Variants in ABI1 observed in about 807,000 individuals in gnomAD.
ABI1 encodes the protein abl interactor 1, also known as Abelson interactor 1.
In ABI1, 14 loss-of-function variants were observed where a neutral mutation model predicts 54.6. The observed-to-expected ratio is 0.26, with a 90% CI of 0.17 to 0.40. ABI1 has a LOEUF of 0.40. Ranked by LOEUF, ABI1 falls within the 10% of genes least tolerant of loss-of-function variation. The pLI, the probability that ABI1 is intolerant of heterozygous loss-of-function variation, is 1.00. For synonymous variants in ABI1, 194 were observed against 209.3 expected (o/e 0.93, Z 0.63); for missense variants, 443 against 598.3 (o/e 0.74, Z 2.71).
intron 7 of ABI1, chr10:26,764,047 A>G: frequency 1.0e-6 from 1 of 987,872 alleles, no homozygotes. Flanking sequence ...ATGTATCGGG[A>G]AGAAAAAGAA....
intron 2 of ABI1, among the ~76,000 whole-genome samples, chr10:26,792,019 G>C (rs1367936612): frequency 6.6e-6 from 1 of 152,080 alleles, no homozygotes; most frequent in Non-Finnish European, 1.5e-5. Context: ...ACTACATACA[G>C]GATGAATCCA....
rs185243851 is a variant in ABI1 at position 26,787,456 on chromosome 10, C to T, written c.286-10215G>A. 5.3e-5 allele frequency among the ~76,000 whole-genome samples: 8 copies of T among 152,216 alleles called. No homozygotes were observed. The East Asian group carries it at 1.2e-3, about 22-fold the overall frequency. On this transcript the variant is annotated intron_variant, in intron 2 of 10. Transcript: ENST00000376140. ...ACACACTGCAGAATTATTCAGGACA[C>T]GATTTCAAATTACTTGAAAAATTCT...
intron 2 of ABI1, among the ~76,000 whole-genome samples, chr10:26,800,222 A>G (rs1340217670): frequency 6.6e-6 from 1 of 152,012 alleles, no homozygotes; most frequent in African/African-American, 2.4e-5. Context: ...CGTCTCTACT[A>G]AAAATACAAA....
intron 1 of ABI1, among the ~76,000 whole-genome samples, chr10:26,825,180 T>C (rs903731061): frequency 3.9e-5 from 6 of 152,194 alleles, no homozygotes; most frequent in African/African-American, 4.8e-5. Flanking sequence ...GATTTCTCTA[T>C]GGCATGCGAT....
intron 3 of ABI1, among the ~76,000 whole-genome samples, chr10:26,774,273 T>C (rs1361107641): frequency 6.6e-6 from 1 of 152,248 alleles, no homozygotes; most frequent in African/African-American, 2.4e-5. Context: ...TTCTGGAATT[T>C]TTTTATCCAA....
intron 1 of ABI1, among the ~76,000 whole-genome samples, chr10:26,840,036 G>T (rs1044812740): frequency 3.3e-5 from 5 of 151,982 alleles, no homozygotes; most frequent in African/African-American, 1.2e-4. Context: ...AAGATTCTAT[G>T]AATACTAGCA....
intron 7 of ABI1, among the ~76,000 whole-genome samples, chr10:26,764,659 G>A (rs925678998): frequency 6.6e-6 from 1 of 152,054 alleles, no homozygotes; most frequent in Admixed American, 6.6e-5. Flanking sequence ...ATCAACCATA[G>A]ATCAAAAATA....
Position 26,778,460 on chromosome 10 carries a change from G to T in ABI1, c.286-1219C>A, listed in dbSNP as rs529269823. 1.2e-3 allele frequency among the ~76,000 whole-genome samples: 174 copies of T among 150,654 alleles called. 1 individual carries two copies. Among genetic ancestry groups the T allele is most frequent in the Non-Finnish European group, 2.0e-3 (136 of 67,762 alleles). ...TTAAGGGGCAATTGTGGCAGTCTAG[G>T]TGAGACGAGGCCAGGATATGAACTG... On this transcript the variant is annotated intron_variant, in intron 2 of 10. Transcript: ENST00000376140.
intron 1 of ABI1, among the ~76,000 whole-genome samples, chr10:26,837,402 T>C (rs2049156764): frequency 6.6e-6 from 1 of 151,160 alleles, no homozygotes; most frequent in Non-Finnish European, 1.5e-5. Context: ...CATTTAACCA[T>C]ATTCACCTCC....
At chr10:26,785,116 C>A (rs1038913256) in intron 2 of ABI1, among the ~76,000 whole-genome samples, 58 of 152,178 alleles carry the variant, frequency 3.8e-4, no homozygotes, top group Non-Finnish European at 4.4e-5. Context: ...ATAAGAAAAA[C>A]TGAATGGATC....
chr10:26,782,906 C>G (rs952004331), intron 2 of ABI1, among the ~76,000 whole-genome samples: 1 of 152,090 alleles, frequency 6.6e-6, no homozygotes. Context: ...TGCAGTCACT[C>G]TGAAACATAG....
intron 2 of ABI1, among the ~76,000 whole-genome samples, chr10:26,817,263 G>A (rs1195794139): frequency 6.6e-6 from 1 of 152,050 alleles, no homozygotes; most frequent in African/African-American, 2.4e-5. Context: ...GCCTCCCAAA[G>A]TGCTGGGATT....
chr10:26,857,467 C>T (rs570337379), intron 1 of ABI1, among the ~76,000 whole-genome samples: 1 of 151,506 alleles, frequency 6.6e-6, no homozygotes, highest in East Asian at 1.9e-4. Flanking sequence ...ATGGCAAAAC[C>T]CCATCTCTAC....
At chr10:26,792,997 G>C (rs527292858) in intron 2 of ABI1, among the ~76,000 whole-genome samples, 1 of 152,180 alleles carries the variant, frequency 6.6e-6, no homozygotes, top group South Asian at 2.1e-4. Context: ...ACTACTTAAC[G>C]TTCCATGGAT....
Position 26,746,918 on chromosome 10 carries a change from A to G in ABI1, c.*1652T>C, listed in dbSNP as rs1293927325. 2 of 273,106 alleles carry G rather than the reference A, an allele frequency of 7.3e-6. No homozygotes were observed. Among genetic ancestry groups the G allele is most frequent in the Non-Finnish European group, 1.4e-5 (2 of 141,558 alleles). The allele number at this position is 273,106 out of a possible 1,614,324, so 16.9% of individuals were successfully genotyped here. ...TTCATATAGGAGAATGGTTTATTATAAAAGACTGTACATAAAATTTAGACA... is the reference window on the plus strand; with the variant it reads ...TTCATATAGGAGAATGGTTTATTATGAAAGACTGTACATAAAATTTAGACA... On this transcript the variant is annotated 3_prime_UTR_variant, in exon 11 of 11. Transcript: ENST00000376140.
intron 1 of ABI1, among the ~76,000 whole-genome samples, chr10:26,849,833 A>G (rs1229000892): frequency 6.6e-6 from 1 of 152,242 alleles, no homozygotes; most frequent in Non-Finnish European, 1.5e-5. Context: ...CACATTGTAT[A>G]ATGAAATGTG....
At chr10:26,787,856 C>T (rs1370419908) in intron 2 of ABI1, among the ~76,000 whole-genome samples, 1 of 149,408 alleles carries the variant, frequency 6.7e-6, no homozygotes, top group Non-Finnish European at 1.5e-5. Context: ...TCCTTAGACC[C>T]ACTGGTTAAA....
chr10:26,754,033 G>A (rs1451464545), intron 9 of ABI1, among the ~76,000 whole-genome samples: 1 of 152,134 alleles, frequency 6.6e-6, no homozygotes, highest in Admixed American at 6.5e-5. Context: ...TACTGATATG[G>A]CAGTTCAAAA....
In ABI1 at chr10:26,841,059, CT is replaced by C. The variant is rs371534147; in HGVS notation, c.118-17755del. On this transcript the variant is annotated intron_variant, in intron 1 of 10. Coordinates refer to ENST00000376140, the MANE Select transcript of ABI1 (RefSeq NM_001012750.3). ...TACTAAAACATAGCCACATCCATTCCTTACATATCATCTATGGTTTTCTTAC... is the reference window on the plus strand; with the variant it reads ...TACTAAAACATAGCCACATCCATTCCTACATATCATCTATGGTTTTCTTAC... Among the ~76,000 whole-genome samples, 95 of 152,296 alleles carry C rather than the reference CT, an allele frequency of 6.2e-4. No homozygotes were observed. In the East Asian group the frequency reaches 0.014, roughly 23 times the overall value.
Sources: allele counts gnomAD v4.1 joint callset (sites outside exome capture counted in the v4.1 genomes callset), GRCh38; gene constraint gnomAD v4.1.1; transcripts MANE v1.5; gene names NCBI Gene and HGNC (gene_info 2026-07-23, HGNC 2026-07-21).